The following GMCL1 variants were observed in gnomAD, a reference collection of about 807,000 sequenced individuals.
The protein encoded by GMCL1 is germ cell-less protein-like 1.
A neutral mutation model predicts 75.5 loss-of-function variants in GMCL1; 54 were observed. That is an observed-to-expected ratio of 0.71 (90% CI 0.57 to 0.90). The LOEUF (loss-of-function observed/expected upper bound fraction) is 0.90. Among genes scored for constraint, GMCL1 ranks in the 40% least tolerant of loss-of-function variants. The pLI is 0.00. For missense variants in GMCL1, 537 were observed against 622.7 expected, an observed-to-expected ratio of 0.86 and a Z score of 1.47; for synonymous variants, 210 against 209.6, an observed-to-expected ratio of 1.00 and a Z score of -0.02.
chr2:69,845,053 ATC>A (rs1675096999), intron 6 of GMCL1: 1 of 156,524 alleles, frequency 6.4e-6, no homozygotes, highest in Non-Finnish European at 1.4e-5. Flanking sequence ...GATTGCTTGA[ATC>A]TAGGAGTTCG....
At chr2:69,867,320 TC>T (rs2104034381) in intron 11 of GMCL1, among the ~76,000 whole-genome samples, 1 of 152,030 alleles carries the variant, frequency 6.6e-6, no homozygotes, top group East Asian at 1.9e-4. Flanking sequence ...TGACCTTCCT[TC>T]CCCCATGCTC....
chr2:69,840,769 C>A (rs1674961247), intron 3 of GMCL1, among the ~76,000 whole-genome samples, 173 bp from the exon 4 acceptor site: 1 of 152,246 alleles, frequency 6.6e-6, no homozygotes, highest in South Asian at 2.1e-4. Flanking sequence ...TTAACAGTGT[C>A]AACCAGTAAC....
At chr2:69,841,115 A>C in intron 4 of GMCL1, 76 bp downstream of exon 4, 4 of 930,350 alleles carry the variant, frequency 4.3e-6, no homozygotes, top group Non-Finnish European at 6.5e-6. Flanking sequence ...AAAAACAAAA[A>C]TAAAGCTTAG....
chr2:69,830,686 A>C (rs748805353), intron 1 of GMCL1, among the ~76,000 whole-genome samples: 10 of 151,720 alleles, frequency 6.6e-5, no homozygotes, highest in Non-Finnish European at 1.0e-4. Flanking sequence ...AGTCTGTGCA[A>C]GTTTCTAGTA....
chr2:69,840,491 T>C (rs1324713389), intron 3 of GMCL1, among the ~76,000 whole-genome samples: 1 of 151,904 alleles, frequency 6.6e-6, no homozygotes, highest in Non-Finnish European at 1.5e-5. Flanking sequence ...TGAACAGGCA[T>C]AGATCACTGT....
intron 10 of GMCL1, among the ~76,000 whole-genome samples, chr2:69,861,888 G>A (rs1026246403): frequency 6.6e-6 from 1 of 152,106 alleles, no homozygotes; most frequent in Admixed American, 6.6e-5. Flanking sequence ...TTCGAGACCA[G>A]CCTGGCCAAC....
At chr2:69,832,340 A>G (rs1370076008) in intron 1 of GMCL1, among the ~76,000 whole-genome samples, 1 of 152,216 alleles carries the variant, frequency 6.6e-6, no homozygotes, top group Non-Finnish European at 1.5e-5. Flanking sequence ...TATGAGAACA[A>G]ACAAATGCAC....
chr2:69,856,173 T>C (rs534308718), intron 9 of GMCL1, among the ~76,000 whole-genome samples: 2 of 152,322 alleles, frequency 1.3e-5, no homozygotes, highest in Non-Finnish European at 2.9e-5. Flanking sequence ...ATTCACATTA[T>C]TGAGATAGGC....
In GMCL1 at chr2:69,841,016, G is replaced by A; in HGVS notation, c.556G>A (p.Ala186Thr). ...GCCCAGTCGAGTTGTTGCCATTTTG[G>A]CAGCAGCTTGTTTGCTGCAGTTGGT... ...IKPSRVVAIL[A>T]AACLLQLDGL... The change falls in exon 4 of 14, where the codon GCA becomes ACA. Residue 186 changes from alanine to threonine, a missense_variant. This residue lies in a region of GMCL1 where 345 missense variants were observed against 410.5 expected (regional missense o/e 0.84). Transcript: ENST00000282570. 1 of 1,613,908 alleles carries A rather than the reference G, an allele frequency of 6.2e-7. No homozygotes were observed. The highest frequency in any genetic ancestry group is 1.1e-5 in the South Asian group (1 of 91,054).
rs1423097892 is a variant in GMCL1 at position 69,837,407 on chromosome 2, A to G, written c.261-140A>G. ...ACACAAGAAAATTTGAATATATACT[A>G]TCTCCCTATCCTTTTACACAATAGG... On this transcript the variant is annotated intron_variant, in intron 1 of 13. Coordinates refer to ENST00000282570, the MANE Select transcript of GMCL1 (RefSeq NM_178439.5). 1.9e-5 allele frequency: 13 copies of G among 691,288 alleles called. No homozygotes were observed. The Admixed American group carries it at 2.2e-4, about 12-fold the overall frequency. The allele number at this position is 691,288 out of a possible 1,614,324, so 42.8% of individuals were successfully genotyped here. A position where few individuals can be genotyped will look rare whatever the true frequency, so the allele number is the denominator to read the frequency against.
In GMCL1 at chr2:69,861,310, T is replaced by C. The variant is rs1675637050; in HGVS notation, c.1105T>C (p.Phe369Leu). 1 of 1,610,236 alleles carries C rather than the reference T, an allele frequency of 6.2e-7. No homozygotes were observed. Among genetic ancestry groups the C allele is most frequent in the Non-Finnish European group, 8.5e-7 (1 of 1,177,270 alleles). Residue 369 changes from phenylalanine to leucine, a missense_variant, in exon 10 of 14, where the codon TTT becomes CTT. Physicochemically the swap from Phe to Leu is conservative, Grantham distance 22. Transcript: ENST00000282570. ...CTCTTCTGTGTATAAACAGCAGTGG[T>C]TTGCTATGCTGCGGGCAGAACAGGA... is the stretch of plus-strand genomic sequence containing the variant. ...WLSSVYKQQW[F>L]AMLRAEQDSE... is the part of the protein sequence containing the mutation.
At chr2:69,864,473 A>G (rs964161959) in intron 10 of GMCL1, among the ~76,000 whole-genome samples, 3 of 151,976 alleles carry the variant, frequency 2.0e-5, no homozygotes, top group African/African-American at 7.2e-5. Context: ...TAGTTACACT[A>G]TATGAAAAAT....
chr2:69,858,595 CT>C (rs201016035), intron 9 of GMCL1, among the ~76,000 whole-genome samples: 21 of 151,322 alleles, frequency 1.4e-4, no homozygotes, highest in South Asian at 6.3e-4. Context: ...ACCAGGGATT[CT>C]TTTTTTTTCC....
chr2:69,855,077 A>G (rs1234333753), intron 9 of GMCL1, 117 bp downstream of exon 9: 2 of 770,764 alleles, frequency 2.6e-6, no homozygotes, highest in South Asian at 3.9e-5. Context: ...AAAGGTATAC[A>G]TCTTTATGCC....
intron 8 of GMCL1, among the ~76,000 whole-genome samples, chr2:69,850,246 A>G (rs186358925): frequency 2.9e-4 from 44 of 152,298 alleles, no homozygotes; most frequent in African/African-American, 1.0e-3. Flanking sequence ...CTTCCGTCAG[A>G]TTCTTAGTGG....
intron 8 of GMCL1, among the ~76,000 whole-genome samples, chr2:69,854,035 C>T (rs1019599343): frequency 9.2e-5 from 14 of 152,036 alleles, no homozygotes; most frequent in African/African-American, 3.1e-4. Flanking sequence ...GAACTCCTGA[C>T]CTCGTGATCC....
intron 10 of GMCL1, 42 bp from the exon 11 acceptor site, chr2:69,864,858 G>C (rs753417518): frequency 1.4e-5 from 18 of 1,251,846 alleles, no homozygotes; most frequent in Non-Finnish European, 2.3e-6. Context: ...ATTATTAGTT[G>C]CATATTTTCT....
intron 1 of GMCL1, among the ~76,000 whole-genome samples, chr2:69,836,549 G>T (rs758513185): frequency 6.6e-6 from 1 of 152,060 alleles, no homozygotes; most frequent in Non-Finnish European, 1.5e-5. Flanking sequence ...TTTTATTGTC[G>T]GCTAGGAAGA....
chr2:69,871,272 C>T (rs908551187), intron 12 of GMCL1, among the ~76,000 whole-genome samples: 3 of 152,058 alleles, frequency 2.0e-5, no homozygotes, highest in Non-Finnish European at 4.4e-5. Context: ...ACTCACAAAG[C>T]ACAAATATTG....
Sources: allele counts gnomAD v4.1 joint callset (sites outside exome capture counted in the v4.1 genomes callset), GRCh38; gene constraint gnomAD v4.1.1; regional missense constraint gnomAD v4.1.1; transcripts MANE v1.5; gene names NCBI Gene and HGNC (gene_info 2026-07-23, HGNC 2026-07-21).